Variants in PKP4 observed in about 807,000 individuals in gnomAD.
PKP4 encodes the protein plakophilin 4.
Under a neutral mutation model 145.1 loss-of-function variants are expected in PKP4, and 90 were observed. The observed-to-expected ratio is 0.62, with a 90% CI of 0.52 to 0.74. The LOEUF (loss-of-function observed/expected upper bound fraction) is 0.74, where lower values mean the gene tolerates loss of function less well. Ranked by LOEUF, PKP4 falls within the 30% of genes least tolerant of loss-of-function variation. The pLI, the probability that PKP4 is intolerant of heterozygous loss-of-function variation, is 0.00. For missense variants in PKP4, 1,340 were observed against 1,482.7 expected, an observed-to-expected ratio of 0.90 and a Z score of 1.58; for synonymous variants, 563 against 577.2, an observed-to-expected ratio of 0.98 and a Z score of 0.35.
At chr2:158,639,817 G>A (rs1255765116) in intron 9 of PKP4, among the ~76,000 whole-genome samples, 3 of 152,124 alleles carry the variant, frequency 2.0e-5, no homozygotes, top group Admixed American at 2.0e-4. Context: ...CTGAAGGCAG[G>A]GTACCGCTTC....
At chr2:158,576,038 C>T (rs2047817908) in intron 2 of PKP4, among the ~76,000 whole-genome samples, 2 of 152,096 alleles carry the variant, frequency 1.3e-5, no homozygotes, top group South Asian at 4.1e-4. Context: ...TTCATCTAGG[C>T]CCTGTCCAAT....
chr2:158,567,746 A>G (rs573529497), intron 2 of PKP4, among the ~76,000 whole-genome samples: 1 of 152,256 alleles, frequency 6.6e-6, no homozygotes, highest in Non-Finnish European at 1.5e-5. Flanking sequence ...TGGAAGCAGG[A>G]CCCCACACCA....
chr2:158,519,085 A>G (rs2042145276), intron 1 of PKP4, among the ~76,000 whole-genome samples: 1 of 149,468 alleles, frequency 6.7e-6, no homozygotes, highest in Non-Finnish European at 1.5e-5. Flanking sequence ...AACAGATGTC[A>G]TTCCTGCATC....
chr2:158,661,453 C>G lies in PKP4; in HGVS notation c.2211+3C>G. On this transcript the variant is annotated splice_donor_region_variant and intron_variant, in intron 13 of 21. Coordinates refer to ENST00000389759, the MANE Select transcript of PKP4 (RefSeq NM_003628.6). ...ACACATCCGATTACGACAGCAAGGTCAGTGCCGGCCTGGTTGCAGGAGGGC... is the reference window on the plus strand; with the variant it reads ...ACACATCCGATTACGACAGCAAGGTGAGTGCCGGCCTGGTTGCAGGAGGGC... The G allele has an allele frequency of 4.4e-6, 7 of 1,589,038 alleles. No individual in the cohort carries two copies. Among genetic ancestry groups the G allele is most frequent in the Non-Finnish European group, 6.0e-6 (7 of 1,157,950 alleles).
chr2:158,505,566 T>A (rs554240922), intron 1 of PKP4, among the ~76,000 whole-genome samples: 2 of 152,210 alleles, frequency 1.3e-5, no homozygotes, highest in East Asian at 3.9e-4. Flanking sequence ...TGTAGCTTTC[T>A]CCTTGAGATT....
intron 3 of PKP4, among the ~76,000 whole-genome samples, chr2:158,591,724 A>G (rs906004052): frequency 6.6e-6 from 1 of 152,088 alleles, no homozygotes; most frequent in African/African-American, 2.4e-5. Flanking sequence ...ATTTAAATAA[A>G]TGTCATTTAT....
chr2:158,676,685 A>C, intron 19 of PKP4, 54 bp from the exon 20 acceptor site: 1 of 1,607,272 alleles, frequency 6.2e-7, no homozygotes, highest in South Asian at 1.1e-5. Context: ...ACAGATACTG[A>C]TGCTGATTTC....
rs769498573 is a variant in PKP4 at position 158,620,992 on chromosome 2, G to T, written c.283G>T (p.Val95Leu). Residue 95 changes from valine to leucine, a missense_variant and splice_region_variant, in exon 5 of 22, where the codon GTG (valine) becomes TTG (leucine). Coordinates refer to ENST00000389759, the MANE Select transcript of PKP4 (RefSeq NM_003628.6). ...EKSFPWRSTD[V>L]PNTGVSKPRV... ...TGATTAAACTTTTCTTGTTACAGAC[G>T]TGCCAAATACTGGTGTAAGCAAACC... 6.2e-7 allele frequency: 1 copy of T among 1,613,496 alleles called. No homozygotes were observed. Among genetic ancestry groups the T allele is most frequent in the South Asian group, 1.1e-5 (1 of 91,020 alleles).
At chr2:158,522,375 A>G (rs965128482) in intron 1 of PKP4, among the ~76,000 whole-genome samples, 1 of 152,342 alleles carries the variant, frequency 6.6e-6, no homozygotes, top group Admixed American at 6.5e-5. Flanking sequence ...ATACTAGAGT[A>G]TATGTGGTCT....
chr2:158,673,600 A>G, intron 17 of PKP4, 77 bp from the exon 18 acceptor site: 2 of 1,090,192 alleles, frequency 1.8e-6, no homozygotes, highest in South Asian at 1.3e-5. Context: ...TTGGCCACTG[A>G]TTTTCATCCT....
intron 1 of PKP4, among the ~76,000 whole-genome samples, chr2:158,474,564 A>G (rs1462051448): frequency 6.6e-6 from 1 of 152,200 alleles, no homozygotes; most frequent in Non-Finnish European, 1.5e-5. Flanking sequence ...CTTGTGCATA[A>G]AATGTTTTCC....
chr2:158,476,257 G>A (rs569769444), intron 1 of PKP4, among the ~76,000 whole-genome samples: 21 of 152,236 alleles, frequency 1.4e-4, no homozygotes, highest in Middle Eastern at 3.4e-3. Flanking sequence ...CATGTACAGC[G>A]AAAAATGTGC....
chr2:158,527,550 CATTACCATTCAGG>C (rs1284265482), intron 1 of PKP4, among the ~76,000 whole-genome samples: 1 of 31,936 alleles, frequency 3.1e-5, no homozygotes, highest in African/African-American at 1.4e-4. Context: ...AAAACCTAGG[CATTACCATTCAGG>C]ACATAGGCGT....
chr2:158,669,352 G>A (rs926547066), intron 16 of PKP4: 6 of 156,924 alleles, frequency 3.8e-5, no homozygotes, highest in African/African-American at 1.4e-4. Context: ...GTGATGCATA[G>A]GAATTCCATT....
At chr2:158,633,858 T>C (rs2053595950) in intron 8 of PKP4, among the ~76,000 whole-genome samples, 1 of 152,230 alleles carries the variant, frequency 6.6e-6, no homozygotes, top group African/African-American at 2.4e-5. Flanking sequence ...ACTTTTGCTG[T>C]TTCTTGCTAA....
intron 1 of PKP4, among the ~76,000 whole-genome samples, chr2:158,529,250 A>G (rs1234243697): frequency 6.6e-6 from 1 of 152,252 alleles, no homozygotes; most frequent in Non-Finnish European, 1.5e-5. Context: ...ATTTGTTACA[A>G]AACCATTAGC....
At chr2:158,595,440 A>G (rs913307359) in intron 3 of PKP4, among the ~76,000 whole-genome samples, 3 of 152,184 alleles carry the variant, frequency 2.0e-5, no homozygotes, top group Non-Finnish European at 4.4e-5. Context: ...TAGGAATTAT[A>G]TTCAAAAAGC....
In PKP4 at chr2:158,680,780, G is replaced by A; in HGVS notation, c.*103G>A. On this transcript the variant is annotated 3_prime_UTR_variant, in exon 22 of 22. Coordinates refer to ENST00000389759, the MANE Select transcript of PKP4 (RefSeq NM_003628.6). The stretch of plus-strand genomic sequence containing the variant: ...GATGATTGAAATGTGAAAGTGAAGT[G>A]GAAGGAATGAATGAAGTGTGTTTTT... 1 of 1,049,128 alleles carries A rather than the reference G, an allele frequency of 9.5e-7. No homozygotes were observed. Among genetic ancestry groups the A allele is most frequent in the African/African-American group, 1.6e-5 (1 of 62,676 alleles). The allele number at this position is 1,049,128 out of a possible 1,614,324, so 65.0% of individuals were successfully genotyped here.
intron 1 of PKP4, among the ~76,000 whole-genome samples, chr2:158,490,351 A>T (rs1296495112): frequency 1.5e-4 from 13 of 89,072 alleles, no homozygotes; most frequent in South Asian, 2.7e-4. Context: ...AAATTGATTT[A>T]AAAAAAAAAA....
Sources: allele counts gnomAD v4.1 joint callset (sites outside exome capture counted in the v4.1 genomes callset), GRCh38; gene constraint gnomAD v4.1.1; transcripts MANE v1.5; gene names NCBI Gene and HGNC (gene_info 2026-07-23, HGNC 2026-07-21).